Variants in DMRT1 observed in about 807,000 individuals in gnomAD.
DMRT1 encodes doublesex- and mab-3-related transcription factor 1.
In DMRT1, 7 loss-of-function variants were observed where a neutral mutation model predicts 32.3. That is an observed-to-expected ratio of 0.22 (90% CI 0.12 to 0.41). The LOEUF is 0.41. DMRT1 is among the 10% of genes least tolerant of loss of function. The pLI, the probability that DMRT1 is intolerant of heterozygous loss-of-function variation, is 1.00. For missense variants in DMRT1, 625 were observed against 500.5 expected (o/e 1.25, Z -2.37); for synonymous variants, 278 against 206.1 (o/e 1.35, Z -2.99).
intron 4 of DMRT1, among the ~76,000 whole-genome samples, chr9:964,086 C>T (rs1478255472): frequency 6.6e-6 from 1 of 152,188 alleles, no homozygotes; most frequent in Non-Finnish European, 1.5e-5. Context: ...TGTTTTCTCA[C>T]ATCACTGGAA....
rs748412351 is a variant in DMRT1 at position 953,232 on chromosome 9, T to C, written c.968-14753T>C. On this transcript the variant is annotated intron_variant, in intron 4 of 4. Transcript: ENST00000382276. ...AAACGTATCTGACGGCCACCCCTTA[T>C]CTATTTTTCTAAGGTAGTAGCTTTA... Among the ~76,000 whole-genome samples the C allele has an allele frequency of 1.2e-4, 19 of 152,310 alleles. No individual in the cohort carries two copies. In the South Asian group the frequency reaches 1.7e-3, roughly 13 times the overall value.
At chr9:953,984 G>GAA (rs1335567956) in intron 4 of DMRT1, among the ~76,000 whole-genome samples, 10 of 152,124 alleles carry the variant, frequency 6.6e-5, no homozygotes, top group African/African-American at 9.7e-5. Context: ...GGAGTACTGT[G>GAA]GGCATTAGAG....
intron 1 of DMRT1, among the ~76,000 whole-genome samples, chr9:845,888 T>C (rs1027011037): frequency 2.0e-5 from 3 of 152,218 alleles, no homozygotes; most frequent in African/African-American, 7.2e-5. Context: ...CAAATACTAC[T>C]GCTGGCTGAT....
rs73382558 is a variant in DMRT1 at position 846,903 on chromosome 9, T to A, written c.355-57T>A. The stretch of plus-strand genomic sequence containing the variant: ...GTCTGGGATGGGTGGGGCTTCTGTG[T>A]TTTGGCAAAGCTGATTCTGGAGTGC... On this transcript the variant is annotated intron_variant, in intron 1 of 4. Coordinates refer to ENST00000382276, the MANE Select transcript of DMRT1 (RefSeq NM_021951.3). 1.1e-4 allele frequency: 177 copies of A among 1,608,506 alleles called. No individual in the cohort carries two copies. In the African/African-American group the frequency reaches 1.6e-3, roughly 14 times the overall value.
chr9:908,823 C>T (rs1817872304), intron 3 of DMRT1, among the ~76,000 whole-genome samples: 1 of 152,092 alleles, frequency 6.6e-6, no homozygotes, highest in African/African-American at 2.4e-5. Flanking sequence ...TCCACTCCTC[C>T]CCCGTTTTCC....
chr9:850,602 T>C (rs889411840), intron 2 of DMRT1, among the ~76,000 whole-genome samples: 22 of 152,224 alleles, frequency 1.4e-4, no homozygotes, highest in Non-Finnish European at 2.8e-4. Context: ...TGTGTCTGTT[T>C]ATCCTTTTCA....
At chr9:871,418 C>T (rs1401853072) in intron 2 of DMRT1, among the ~76,000 whole-genome samples, 6 of 151,356 alleles carry the variant, frequency 4.0e-5, no homozygotes, top group African/African-American at 4.9e-5. Flanking sequence ...CTGCAAGCTC[C>T]GCGTCCCGGG....
chr9:953,612 C>T (rs1483956369), intron 4 of DMRT1, among the ~76,000 whole-genome samples: 5 of 152,166 alleles, frequency 3.3e-5, no homozygotes, highest in Admixed American at 3.3e-4. Context: ...TGTTGTTGTA[C>T]TCCCTCTCCA....
At chr9:924,551 G>C (rs1269258047) in intron 4 of DMRT1, among the ~76,000 whole-genome samples, 3 of 152,164 alleles carry the variant, frequency 2.0e-5, no homozygotes, top group Non-Finnish European at 4.4e-5. Context: ...TGTTTTGGCA[G>C]GTGCCTGGCA....
intron 3 of DMRT1, among the ~76,000 whole-genome samples, chr9:914,519 A>G (rs942577779): frequency 7.4e-6 from 1 of 134,826 alleles, no homozygotes; most frequent in African/African-American, 2.7e-5. Context: ...GCTTGCAATG[A>G]GCCAATATCA....
chr9:919,513 C>T (rs978837134), intron 4 of DMRT1, among the ~76,000 whole-genome samples: 1 of 152,142 alleles, frequency 6.6e-6, no homozygotes, highest in African/African-American at 2.4e-5. Flanking sequence ...GCCATTCCTT[C>T]TTTCCTTATC....
chr9:922,550 T>C (rs1281931125), intron 4 of DMRT1, among the ~76,000 whole-genome samples: 2 of 152,210 alleles, frequency 1.3e-5, no homozygotes, highest in Non-Finnish European at 2.9e-5. Context: ...CATGTTGAAT[T>C]CTTGAGTATA....
At chr9:954,507 T>A (rs1819531528) in intron 4 of DMRT1, among the ~76,000 whole-genome samples, 1 of 151,936 alleles carries the variant, frequency 6.6e-6, no homozygotes, top group African/African-American at 2.4e-5. Context: ...AAGCTTCGAG[T>A]CTGAGCTGGC....
chr9:956,103 A>C (rs1360028951), intron 4 of DMRT1, among the ~76,000 whole-genome samples: 1 of 152,214 alleles, frequency 6.6e-6, no homozygotes, highest in Non-Finnish European at 1.5e-5. Flanking sequence ...AAAGGAAGGA[A>C]ATTCTGATGT....
At chr9:869,556 G>C (rs1230814038) in intron 2 of DMRT1, among the ~76,000 whole-genome samples, 1 of 152,064 alleles carries the variant, frequency 6.6e-6, no homozygotes, top group East Asian at 1.9e-4. Flanking sequence ...AAACTGTAAT[G>C]ATTTGACTCT....
At chr9:863,698 G>C (rs1490881570) in intron 2 of DMRT1, among the ~76,000 whole-genome samples, 1 of 152,206 alleles carries the variant, frequency 6.6e-6, no homozygotes, top group Non-Finnish European at 1.5e-5. Flanking sequence ...CTCTAAGATA[G>C]TCAATTTGTG....
At chr9:883,841 G>A (rs1327731466) in intron 2 of DMRT1, among the ~76,000 whole-genome samples, 1 of 151,516 alleles carries the variant, frequency 6.6e-6, no homozygotes, top group Non-Finnish European at 1.5e-5. Context: ...CTATACCCTC[G>A]TAGCGCTCAA....
At chr9:924,213 A>G (rs1818449382) in intron 4 of DMRT1, among the ~76,000 whole-genome samples, 1 of 151,860 alleles carries the variant, frequency 6.6e-6, no homozygotes, top group Non-Finnish European at 1.5e-5. Flanking sequence ...CTGGGATTAC[A>G]GGGGTGCACC....
At chr9:844,389 T>C (rs1194093199) in intron 1 of DMRT1, among the ~76,000 whole-genome samples, 1 of 143,222 alleles carries the variant, frequency 7.0e-6, no homozygotes, top group African/African-American at 3.0e-5. Flanking sequence ...TAATATTTTC[T>C]AAGAAACCTT....
Sources: allele counts gnomAD v4.1 joint callset (sites outside exome capture counted in the v4.1 genomes callset), GRCh38; gene constraint gnomAD v4.1.1; transcripts MANE v1.5; gene names NCBI Gene and HGNC (gene_info 2026-07-23, HGNC 2026-07-21).